GREM2: variants seen among roughly 807,000 people sequenced by gnomAD.
GREM2 encodes gremlin 2, DAN family BMP antagonist, also known as gremlin-2.
A neutral mutation model predicts 14.2 loss-of-function variants in GREM2; 11 were observed. The observed-to-expected ratio is 0.78, with a 90% CI of 0.49 to 1.28. The LOEUF is 1.28. Ranked by LOEUF, GREM2 falls within the 50% of genes most tolerant of loss-of-function variation. GREM2 has a pLI of 0.00. For missense variants in GREM2, 210 were observed against 218.5 expected (o/e 0.96, Z 0.24); for synonymous variants, 98 against 97.6 (o/e 1.00, Z -0.02).
chr1:240,536,671 A>AC (rs1314541628), intron 1 of GREM2, among the ~76,000 whole-genome samples: 1 of 114,454 alleles, frequency 8.7e-6, no homozygotes, highest in African/African-American at 3.6e-5. Context: ...CCATCTGTAG[A>AC]GTTTAAGACA....
At chr1:240,501,160 G>A (rs1677562208) in intron 1 of GREM2, among the ~76,000 whole-genome samples, 2 of 152,106 alleles carry the variant, frequency 1.3e-5, no homozygotes, top group Non-Finnish European at 2.9e-5. Flanking sequence ...CTTACCCGAA[G>A]TGAGAGAAAT....
chr1:240,546,578 C>T (rs551850005), intron 1 of GREM2, among the ~76,000 whole-genome samples: 5 of 152,258 alleles, frequency 3.3e-5, no homozygotes, highest in South Asian at 4.1e-4. Flanking sequence ...GCAATCTATA[C>T]GTAGTTGTTA....
chr1:240,510,226 C>A (rs977522489), intron 1 of GREM2, among the ~76,000 whole-genome samples: 1 of 151,788 alleles, frequency 6.6e-6, no homozygotes, highest in Middle Eastern at 3.4e-3. Context: ...AGAAATGAGC[C>A]GGGCGTGGTG....
chr1:240,515,871 T>TCC (rs1677944032), intron 1 of GREM2, among the ~76,000 whole-genome samples: 1 of 152,046 alleles, frequency 6.6e-6, no homozygotes, highest in Admixed American at 6.6e-5. Flanking sequence ...TTTGAACAAT[T>TCC]CCCCCTCTTG....
chr1:240,598,877 A>G (rs1679867182), intron 1 of GREM2, among the ~76,000 whole-genome samples: 1 of 152,146 alleles, frequency 6.6e-6, no homozygotes, highest in Admixed American at 6.5e-5. Context: ...TGACTTTCAT[A>G]GTGCTCTCAA....
At chr1:240,507,559 C>T (rs949565117) in intron 1 of GREM2, among the ~76,000 whole-genome samples, 1 of 152,096 alleles carries the variant, frequency 6.6e-6, no homozygotes, top group African/African-American at 2.4e-5. Flanking sequence ...TCTCAAATTC[C>T]TGACCTCAAG....
intron 1 of GREM2, among the ~76,000 whole-genome samples, chr1:240,525,844 A>C (rs767000211): frequency 3.9e-5 from 6 of 152,226 alleles, no homozygotes; most frequent in Non-Finnish European, 5.9e-5. Context: ...GGCTGGAATC[A>C]AGATGTCAAC....
At chr1:240,551,690 A>G (rs1439699410) in intron 1 of GREM2, among the ~76,000 whole-genome samples, 1 of 151,940 alleles carries the variant, frequency 6.6e-6, no homozygotes, top group African/African-American at 2.4e-5. Context: ...AATGAGGTAC[A>G]CTTAAAATGT....
chr1:240,542,171 C>T lies in GREM2; in HGVS notation c.-1-48695G>A, dbSNP rs1460889860. On this transcript the variant is annotated intron_variant, in intron 1 of 1. Coordinates refer to ENST00000318160, the MANE Select transcript of GREM2 (RefSeq NM_022469.4). This position sits in a 1 kb window ranked among gnomAD's most constrained non-coding sequence, Gnocchi z 4.1. ...AAGACAGTCCTCCACGACAAAACACCATCCTGTCCCTTGTCAACAGCATCA... is the reference window on the plus strand; with the variant it reads ...AAGACAGTCCTCCACGACAAAACACTATCCTGTCCCTTGTCAACAGCATCA... Among the ~76,000 whole-genome samples the T allele has an allele frequency of 1.3e-5, 2 of 152,044 alleles. No individual in the cohort carries two copies. Among genetic ancestry groups the T allele is most frequent in the East Asian group, 1.9e-4 (1 of 5,174 alleles).
In GREM2 at chr1:240,493,094, C is replaced by T; in HGVS notation, c.382G>A (p.Val128Ile). ...QSCAFCKPQR[V>I]TSVLVELECP... is the part of the protein sequence containing the mutation. The stretch of plus-strand genomic sequence containing the variant: ...TCGAGCTCCACGAGGACGGAGGTGA[C>T]GCGCTGGGGCTTGCAGAAGGCGCAG... Residue 128 changes from valine to isoleucine, a missense_variant, in exon 2 of 2, where the codon GTC (valine) becomes ATC (isoleucine). Physicochemically the swap from Val to Ile is conservative, Grantham distance 29. Transcript: ENST00000318160. 6.2e-7 allele frequency: 1 copy of T among 1,613,964 alleles called. No homozygotes were observed. Among genetic ancestry groups the T allele is most frequent in the Non-Finnish European group, 8.5e-7 (1 of 1,179,880 alleles).
At chr1:240,516,336 G>C (rs773488366) in intron 1 of GREM2, among the ~76,000 whole-genome samples, 9 of 152,022 alleles carry the variant, frequency 5.9e-5, no homozygotes, top group Non-Finnish European at 1.3e-4. Flanking sequence ...TCACAGTTAT[G>C]AGTAACTGTG....
At chr1:240,590,402 G>C (rs1679683953) in intron 1 of GREM2, among the ~76,000 whole-genome samples, 1 of 150,500 alleles carries the variant, frequency 6.6e-6, no homozygotes, top group Non-Finnish European at 1.5e-5. Context: ...TTATGGGTTT[G>C]AGGATTTTTT....
chr1:240,557,936 G>A (rs1282814727), intron 1 of GREM2, among the ~76,000 whole-genome samples: 1 of 152,044 alleles, frequency 6.6e-6, no homozygotes, highest in African/African-American at 2.4e-5. Context: ...GAAAGAAAAT[G>A]AAAATTACTA....
intron 1 of GREM2, among the ~76,000 whole-genome samples, chr1:240,583,528 C>T (rs1679531560): frequency 6.6e-6 from 1 of 151,740 alleles, no homozygotes. Context: ...CAAATATGCT[C>T]TACATAAATT....
At chr1:240,532,458 A>G (rs1158529617) in intron 1 of GREM2, among the ~76,000 whole-genome samples, 4 of 152,114 alleles carry the variant, frequency 2.6e-5, no homozygotes. Flanking sequence ...CAATTTCCCA[A>G]AGTTAACCAA....
At chr1:240,496,166 A>G (rs1342412492) in intron 1 of GREM2, among the ~76,000 whole-genome samples, 1 of 151,980 alleles carries the variant, frequency 6.6e-6, no homozygotes, top group East Asian at 1.9e-4. Flanking sequence ...CGAACTCCTG[A>G]CCTCAAGTGA....
chr1:240,523,137 G>C (rs960079609), intron 1 of GREM2, among the ~76,000 whole-genome samples: 2 of 152,190 alleles, frequency 1.3e-5, no homozygotes, highest in African/African-American at 4.8e-5. Context: ...CTCTTGCCCA[G>C]GTTGGGGTGC....
chr1:240,561,089 T>C (rs553724226), intron 1 of GREM2, among the ~76,000 whole-genome samples: 34 of 152,318 alleles, frequency 2.2e-4, no homozygotes, highest in African/African-American at 7.5e-4. Context: ...GAGATAATCT[T>C]ATTTTTCTGG....
At chr1:240,590,976 T>G (rs1459383973) in intron 1 of GREM2, among the ~76,000 whole-genome samples, 3 of 151,226 alleles carry the variant, frequency 2.0e-5, no homozygotes, top group Admixed American at 2.0e-4. Context: ...GAGAAGGGGT[T>G]TCACCAGGTT....
Sources: gnomAD v4.1 joint callset for allele counts (sites outside exome capture counted in the v4.1 genomes callset) on GRCh38, gnomAD v4.1.1 for gene constraint, Gnocchi (gnomAD v3.1) non-coding constraint, MANE v1.5 for transcripts, NCBI Gene and HGNC (gene_info 2026-07-23, HGNC 2026-07-21) for gene names.